Variants in BCR observed in about 807,000 individuals in gnomAD.
BCR encodes the protein breakpoint cluster region protein.
In BCR, 58 loss-of-function variants were observed where a neutral mutation model predicts 138.6. The ratio of observed to expected loss-of-function variants is 0.42; its 90% CI spans 0.34 to 0.52. BCR has a LOEUF of 0.52. BCR is among the 20% of genes least tolerant of loss of function. The probability of loss-of-function intolerance (pLI) is 0.06; values close to 1 mark genes in which losing one functional copy is unlikely to be tolerated. For missense variants in BCR, 1,599 were observed against 1,727.2 expected (o/e 0.93, Z 1.32); for synonymous variants, 786 against 730.1 (o/e 1.08, Z -1.23).
chr22:23,267,794 G>A (rs1020185680), intron 4 of BCR, among the ~76,000 whole-genome samples: 16 of 152,206 alleles, frequency 1.1e-4, no homozygotes, highest in African/African-American at 3.9e-4. Context: ...ATTGCCATTG[G>A]TTTAATAAAG....
chr22:23,217,576 G>T (rs1036177353), intron 1 of BCR, among the ~76,000 whole-genome samples: 2 of 152,198 alleles, frequency 1.3e-5, no homozygotes, highest in African/African-American at 4.8e-5. Flanking sequence ...GGGGGCATCG[G>T]TGGGAACCCT....
At chr22:23,212,971 C>G (rs933312760) in intron 1 of BCR, among the ~76,000 whole-genome samples, 1 of 152,278 alleles carries the variant, frequency 6.6e-6, no homozygotes, top group East Asian at 1.9e-4. Flanking sequence ...GGGAGGCTGC[C>G]GGCCTCAAAA....
rs201475311 is a variant in BCR, at chr22:23,181,896, C to A, written c.936C>A (p.Pro312=). ...TSEQEKRLTW[P]RRSYSPRSFE... is the part of the protein sequence containing the mutation. ...AGCAGGAGAAGCGCCTTACCTGGCC[C>A]CGCAGGTCCTACTCCCCCCGGAGTT... The change falls in exon 1 of 23, where the codon CCC becomes CCA. Residue 312 remains proline (P), a synonymous_variant. Coordinates refer to ENST00000305877, the MANE Select transcript of BCR (RefSeq NM_004327.4). 52 of 1,613,468 alleles carry A rather than the reference C, an allele frequency of 3.2e-5. No individual in the cohort carries two copies. In the East Asian group the frequency reaches 1.1e-3, roughly 35 times the overall value.
intron 1 of BCR, among the ~76,000 whole-genome samples, chr22:23,233,820 AAAAAG>A (rs2072989714): frequency 6.6e-6 from 1 of 151,740 alleles, no homozygotes; most frequent in African/African-American, 2.4e-5. Flanking sequence ...AAAGAAAAAA[AAAAAG>A]AAGAACATGG....
In BCR at chr22:23,247,219, A is replaced by G. The variant is rs560333440; in HGVS notation, c.1280-6580A>G. Among the ~76,000 whole-genome samples, 11 of 152,334 alleles carry G rather than the reference A, an allele frequency of 7.2e-5. No individual in the cohort carries two copies. In the East Asian group the frequency reaches 2.1e-3, roughly 29 times the overall value. On this transcript the variant is annotated intron_variant, in intron 1 of 22. Transcript: ENST00000305877. ...GCCGGGAAGGAGGACAGCTGCAGCC[A>G]TGACAGGGTGGGGGTTTGATGTCCG...
intron 1 of BCR, among the ~76,000 whole-genome samples, chr22:23,197,347 C>T (rs964895074): frequency 2.0e-5 from 3 of 152,200 alleles, no homozygotes; most frequent in Non-Finnish European, 2.9e-5. Context: ...CCTAATGATG[C>T]ATTTCTCAAC....
intron 13 of BCR, 100 bp downstream of exon 13, chr22:23,289,721 A>G (rs1051417946): frequency 8.9e-6 from 9 of 1,010,488 alleles, no homozygotes; most frequent in Middle Eastern, 4.1e-4. Context: ...TGATGGGACT[A>G]GTGGACTTTG....
At chr22:23,280,077 C>T (rs78900528) in intron 8 of BCR, among the ~76,000 whole-genome samples, 7 of 152,346 alleles carry the variant, frequency 4.6e-5, no homozygotes, top group East Asian at 3.9e-4. Flanking sequence ...CTCATCTACA[C>T]CTACTCACCT....
chr22:23,284,156 T>C (rs1214322856), intron 9 of BCR, 58 bp downstream of exon 9: 4 of 1,599,204 alleles, frequency 2.5e-6, no homozygotes, highest in Non-Finnish European at 3.4e-6. Context: ...CTCCAGGTCA[T>C]GGAGGGTCTT....
intron 1 of BCR, chr22:23,199,302 G>A (rs747863157): frequency 1.2e-5 from 6 of 518,720 alleles, no homozygotes; most frequent in Non-Finnish European, 2.3e-5. Context: ...AGGAAGCATC[G>A]GAGACTGGGT....
intron 1 of BCR, among the ~76,000 whole-genome samples, chr22:23,188,583 G>T (rs1326226861): frequency 1.3e-5 from 2 of 152,168 alleles, no homozygotes; most frequent in African/African-American, 4.8e-5. Flanking sequence ...AGGGTCCCCT[G>T]TTTAGAGTGA....
intron 1 of BCR, among the ~76,000 whole-genome samples, chr22:23,221,481 C>T: frequency 6.6e-6 from 1 of 152,214 alleles, no homozygotes; most frequent in East Asian, 1.9e-4. Flanking sequence ...TGGGAGATGT[C>T]TTCACAGGAG....
chr22:23,291,642 T>C (rs2073788648), intron 14 of BCR, among the ~76,000 whole-genome samples: 1 of 152,018 alleles, frequency 6.6e-6, no homozygotes, highest in Non-Finnish European at 1.5e-5. Context: ...TCTTTCTATC[T>C]CTTCCTTGCC....
At chr22:23,226,970 C>G (rs2072901803) in intron 1 of BCR, among the ~76,000 whole-genome samples, 1 of 152,152 alleles carries the variant, frequency 6.6e-6, no homozygotes, top group South Asian at 2.1e-4. Context: ...CAGGATCGAG[C>G]ATTTGCCATT....
At chr22:23,304,836 C>T (rs944292489) in intron 16 of BCR, among the ~76,000 whole-genome samples, 2 of 152,152 alleles carry the variant, frequency 1.3e-5, no homozygotes, top group African/African-American at 4.8e-5. Context: ...GGATAGAGGC[C>T]AGGCGCGGTG....
At chr22:23,235,779 A>G (rs965033065) in intron 1 of BCR, among the ~76,000 whole-genome samples, 1 of 152,212 alleles carries the variant, frequency 6.6e-6, no homozygotes, top group African/African-American at 2.4e-5. Flanking sequence ...GAGTCTGCCA[A>G]GGGCCCACTT....
intron 1 of BCR, among the ~76,000 whole-genome samples, chr22:23,234,157 G>A (rs189279505): frequency 1.1e-4 from 16 of 152,274 alleles, no homozygotes; most frequent in African/African-American, 3.9e-4. Context: ...TCTATTATGT[G>A]TCCTATCAGC....
chr22:23,236,062 T>C (rs1030328847), intron 1 of BCR, among the ~76,000 whole-genome samples: 5 of 152,192 alleles, frequency 3.3e-5, no homozygotes, highest in African/African-American at 1.2e-4. Flanking sequence ...ACCTTGCATA[T>C]GGGAGCTGAC....
intron 8 of BCR, 22 bp downstream of exon 8, chr22:23,273,796 T>C: frequency 6.2e-7 from 1 of 1,613,186 alleles, no homozygotes; most frequent in Non-Finnish European, 8.5e-7. Context: ...AGGGGATGGC[T>C]TGGGTCCACC....
Sources: allele counts gnomAD v4.1 joint callset (sites outside exome capture counted in the v4.1 genomes callset), GRCh38; gene constraint gnomAD v4.1.1; transcripts MANE v1.5; gene names NCBI Gene and HGNC (gene_info 2026-07-23, HGNC 2026-07-21).